Variants in PLEKHA5 observed in about 807,000 individuals in gnomAD.
The protein encoded by PLEKHA5 is pleckstrin homology domain-containing family A member 5.
Under a neutral mutation model 181.9 loss-of-function variants are expected in PLEKHA5, and 55 were observed. The ratio of observed to expected loss-of-function variants is 0.30; its 90% CI spans 0.24 to 0.38. The LOEUF (loss-of-function observed/expected upper bound fraction) is 0.38. Among genes scored for constraint, PLEKHA5 ranks in the 10% least tolerant of loss-of-function variants. The pLI is 1.00. For synonymous variants in PLEKHA5, 535 were observed against 529.4 expected (o/e 1.01, Z -0.15); for missense variants, 1,432 against 1,549.5 (o/e 0.92, Z 1.27).
chr12:19,247,013 T>C (rs866441834), intron 3 of PLEKHA5, among the ~76,000 whole-genome samples: 13 of 152,338 alleles, frequency 8.5e-5, no homozygotes, highest in Middle Eastern at 3.4e-3. Flanking sequence ...ATGTGCACTT[T>C]ATGCGTTTAT....
In PLEKHA5 at chr12:19,257,492, G is replaced by A. The variant is rs1229460191; in HGVS notation, c.492G>A (p.Arg164=). ...NFGKRSNSIK[R]NPNAPVVRRG... ...GAAAGAGGTCAAATTCAATTAAAAG[G>A]AATCCTAATGCACCGGTTGTCAGAC... is the stretch of plus-strand genomic sequence containing the variant. The change falls in exon 6 of 32, where the codon AGG becomes AGA. Residue 164 remains arginine, a synonymous_variant. Coordinates refer to ENST00000429027, the MANE Select transcript of PLEKHA5 (RefSeq NM_001256470.2). 3 of 1,608,474 alleles carry A rather than the reference G, an allele frequency of 1.9e-6. No individual in the cohort carries two copies. The highest frequency in any genetic ancestry group is 3.4e-5 in the Admixed American group (2 of 59,640).
chr12:19,209,680 A>G (rs1256487509), intron 3 of PLEKHA5, among the ~76,000 whole-genome samples: 2 of 152,162 alleles, frequency 1.3e-5, no homozygotes, highest in East Asian at 3.9e-4. Context: ...AACAAAGTAC[A>G]ATCAAAGCAG....
chr12:19,200,182 C>A, intron 3 of PLEKHA5: 1 of 591,532 alleles, frequency 1.7e-6, no homozygotes, highest in Non-Finnish European at 2.9e-6. Flanking sequence ...GATGGATCCC[C>A]TCAAATAACC....
At chr12:19,171,825 T>C (rs896736429) in intron 3 of PLEKHA5, among the ~76,000 whole-genome samples, 1 of 152,224 alleles carries the variant, frequency 6.6e-6, no homozygotes, top group Non-Finnish European at 1.5e-5. Context: ...TTTTAAACTT[T>C]TTTGTTAAGA....
intron 6 of PLEKHA5, among the ~76,000 whole-genome samples, chr12:19,258,480 G>A (rs1483890331): frequency 6.6e-6 from 1 of 151,070 alleles, no homozygotes; most frequent in Non-Finnish European, 1.5e-5. Flanking sequence ...AAAGATCATT[G>A]ACTATATTTT....
At chr12:19,153,054 C>A (rs1331926883) in intron 3 of PLEKHA5, 1 of 147,782 alleles carries the variant, frequency 6.8e-6, no homozygotes, top group African/African-American at 2.5e-5. Context: ...TTTTTCCATT[C>A]CAGTCCTTAC....
At chr12:19,227,382 TC>T (rs1229431133) in intron 3 of PLEKHA5, among the ~76,000 whole-genome samples, 1 of 152,040 alleles carries the variant, frequency 6.6e-6, no homozygotes, top group Non-Finnish European at 1.5e-5. Context: ...TTAATCCTGT[TC>T]CCCATGCCAG....
intron 12 of PLEKHA5, among the ~76,000 whole-genome samples, chr12:19,284,840 A>G (rs2076897539): frequency 6.6e-6 from 1 of 152,244 alleles, no homozygotes; most frequent in East Asian, 1.9e-4. Flanking sequence ...AGCCAAGGCC[A>G]TAGGATCACT....
chr12:19,162,361 A>C (rs531456284), intron 3 of PLEKHA5, among the ~76,000 whole-genome samples: 85 of 152,332 alleles, frequency 5.6e-4, no homozygotes, highest in Non-Finnish European at 1.1e-3. Flanking sequence ...TTTAGGGTTC[A>C]GTCAGAAGCT....
At chr12:19,343,146 T>C (rs1041365838) in intron 21 of PLEKHA5, among the ~76,000 whole-genome samples, 177 bp from the exon 22 acceptor site, 22 of 152,198 alleles carry the variant, frequency 1.4e-4, no homozygotes, top group Admixed American at 1.2e-3. Context: ...CAGTCTTTTA[T>C]ATTTGCCACT....
At chr12:19,325,735 G>A (rs369919113) in intron 20 of PLEKHA5, among the ~76,000 whole-genome samples, 2 of 149,364 alleles carry the variant, frequency 1.3e-5, no homozygotes, top group Admixed American at 6.7e-5. Context: ...CCAGGCAGGT[G>A]CGGTGGCTCA....
chr12:19,360,680 C>G (rs1037235652), intron 28 of PLEKHA5, among the ~76,000 whole-genome samples: 1 of 151,986 alleles, frequency 6.6e-6, no homozygotes, highest in African/African-American at 2.4e-5. Context: ...AAAACATAAT[C>G]AGTCACAGCT....
At chr12:19,256,930 A>G (rs754617990) in intron 5 of PLEKHA5, among the ~76,000 whole-genome samples, 4 of 152,214 alleles carry the variant, frequency 2.6e-5, no homozygotes, top group Non-Finnish European at 5.9e-5. Flanking sequence ...CACATTAAGC[A>G]GATCCTTCCT....
intron 3 of PLEKHA5, among the ~76,000 whole-genome samples, chr12:19,156,594 A>G (rs2151399136): frequency 6.6e-6 from 1 of 152,108 alleles, no homozygotes; most frequent in African/African-American, 2.4e-5. Flanking sequence ...CCCCAGCAGC[A>G]ATTTTTCATT....
Position 19,236,182 on chromosome 12 carries a change from G to C in PLEKHA5, c.228-17758G>C, listed in dbSNP as rs181286803. Among the ~76,000 whole-genome samples, 19 of 152,274 alleles carry C rather than the reference G, an allele frequency of 1.2e-4. No individual in the cohort carries two copies. In the East Asian group the frequency reaches 3.7e-3, roughly 29 times the overall value. ...ATACCAACAAACTCTGGTTTGAAAT[G>C]ATGTTCACCACGATGTTAACAACTC... On this transcript the variant is annotated intron_variant, in intron 3 of 31. Transcript: ENST00000429027.
At chr12:19,333,684 C>G (rs2093078590) in intron 20 of PLEKHA5, among the ~76,000 whole-genome samples, 1 of 149,636 alleles carries the variant, frequency 6.7e-6, no homozygotes, top group African/African-American at 2.5e-5. Flanking sequence ...TCTCGGCTCA[C>G]TGCAACCTCC....
chr12:19,327,257 T>TG (rs1194071151), intron 20 of PLEKHA5, among the ~76,000 whole-genome samples: 3 of 141,848 alleles, frequency 2.1e-5, no homozygotes, highest in South Asian at 2.3e-4. Flanking sequence ...GTTTTTTTTT[T>TG]TTTTTTTACT....
At chr12:19,251,986 A>G (rs2065456226) in intron 3 of PLEKHA5, among the ~76,000 whole-genome samples, 1 of 152,128 alleles carries the variant, frequency 6.6e-6, no homozygotes, top group South Asian at 2.1e-4. Context: ...TGCTGTATCT[A>G]TTAAATTTTT....
intron 20 of PLEKHA5, 150 bp downstream of exon 20, chr12:19,322,817 G>A (rs2091200223): frequency 1.7e-6 from 1 of 587,132 alleles, no homozygotes; most frequent in Non-Finnish European, 2.9e-6. Context: ...CTTCTGTTTA[G>A]GAACATAAAA....
Sources: allele counts gnomAD v4.1 joint callset (sites outside exome capture counted in the v4.1 genomes callset), GRCh38; gene constraint gnomAD v4.1.1; transcripts MANE v1.5; gene names NCBI Gene and HGNC (gene_info 2026-07-23, HGNC 2026-07-21).